JARID2: variants seen among roughly 807,000 people sequenced by gnomAD.
JARID2 encodes jumonji and AT-rich interaction domain containing 2, also known as protein Jumonji.
In JARID2, 21 loss-of-function variants were observed where a neutral mutation model predicts 125.6. That is an observed-to-expected ratio of 0.17 (90% CI 0.12 to 0.24). The LOEUF (loss-of-function observed/expected upper bound fraction) is 0.24, where lower values mean the gene tolerates loss of function less well. JARID2 is among the 10% of genes least tolerant of loss of function. The pLI, the probability that JARID2 is intolerant of heterozygous loss-of-function variation, is 1.00. For synonymous variants in JARID2, 736 were observed against 661.6 expected, an observed-to-expected ratio of 1.11 and a Z score of -1.73; for missense variants, 1,303 against 1,639.6, an observed-to-expected ratio of 0.79 and a Z score of 3.55.
At chr6:15,247,928 T>C (rs918110063) in intron 1 of JARID2, 2 of 985,316 alleles carry the variant, frequency 2.0e-6, no homozygotes, top group African/African-American at 3.5e-5. Context: ...GGCAACCTTG[T>C]CTTGGAGCGT....
chr6:15,306,982 C>G (rs1761851438), intron 1 of JARID2, among the ~76,000 whole-genome samples: 1 of 150,766 alleles, frequency 6.6e-6, no homozygotes, highest in South Asian at 2.1e-4. Flanking sequence ...TGGCTCATGC[C>G]TGTAATCCCA....
chr6:15,450,517 C>T (rs1320360878), intron 3 of JARID2, among the ~76,000 whole-genome samples: 1 of 152,112 alleles, frequency 6.6e-6, no homozygotes, highest in Non-Finnish European at 1.5e-5. Flanking sequence ...TTGCATTATC[C>T]ATCCTACGTA....
chr6:15,275,746 A>C (rs964850631), intron 1 of JARID2, among the ~76,000 whole-genome samples: 2 of 151,990 alleles, frequency 1.3e-5, no homozygotes, highest in Non-Finnish European at 1.5e-5. Flanking sequence ...ATTTCATTCC[A>C]TTTAGGAAAG....
intron 3 of JARID2, among the ~76,000 whole-genome samples, chr6:15,430,264 T>A (rs1367607247): frequency 6.6e-6 from 1 of 152,244 alleles, no homozygotes; most frequent in Non-Finnish European, 1.5e-5. Context: ...GGAGTTTAGT[T>A]ATCAAGACAA....
At chr6:15,436,577 A>T (rs1767213251) in intron 3 of JARID2, among the ~76,000 whole-genome samples, 1 of 152,058 alleles carries the variant, frequency 6.6e-6, no homozygotes, top group African/African-American at 2.4e-5. Flanking sequence ...TGCCTTCCTC[A>T]CTTAGGTCTT....
chr6:15,383,840 G>A (rs2127531655), intron 2 of JARID2, among the ~76,000 whole-genome samples: 1 of 152,250 alleles, frequency 6.6e-6, no homozygotes, highest in Middle Eastern at 3.4e-3. Context: ...TCTTGTCCAG[G>A]CTGGAGTGCA....
At chr6:15,418,192 G>C (rs1200648422) in intron 3 of JARID2, among the ~76,000 whole-genome samples, 1 of 151,210 alleles carries the variant, frequency 6.6e-6, no homozygotes, top group Non-Finnish European at 1.5e-5. Context: ...TTTAGTGTTG[G>C]GATCTCTTGT....
At chr6:15,394,435 C>CA (rs1765141474) in intron 2 of JARID2, among the ~76,000 whole-genome samples, 1 of 152,060 alleles carries the variant, frequency 6.6e-6, no homozygotes. Context: ...ACCATCTTCA[C>CA]AAAAAATATA....
At chr6:15,443,088 A>T (rs879473562) in intron 3 of JARID2, among the ~76,000 whole-genome samples, 119 of 132,754 alleles carry the variant, frequency 9.0e-4, no homozygotes, top group Non-Finnish European at 1.6e-3. Flanking sequence ...CCCTGGAATT[A>T]AAAAAAAAAA....
Position 15,254,611 on chromosome 6 carries a change from G to A in JARID2, c.45+8027G>A, listed in dbSNP as rs555124883. Among the ~76,000 whole-genome samples, 6 of 152,278 alleles carry A rather than the reference G, an allele frequency of 3.9e-5. No individual in the cohort carries two copies. The East Asian group carries it at 1.2e-3, about 29-fold the overall frequency. ...TCTTGAGAGCTGGTGCTGCCTAAAA[G>A]GTCTCAATTGGATTTTAAGTTCTAA... On this transcript the variant is annotated intron_variant, in intron 1 of 17. Coordinates refer to ENST00000341776, the MANE Select transcript of JARID2 (RefSeq NM_004973.4).
At chr6:15,467,327 G>A (rs1768787599) in intron 4 of JARID2, among the ~76,000 whole-genome samples, 4 of 152,068 alleles carry the variant, frequency 2.6e-5, no homozygotes, top group East Asian at 1.9e-4. Context: ...CTATCTCTTC[G>A]GTGATGTTAC....
intron 1 of JARID2, chr6:15,248,730 C>A: frequency 5.7e-6 from 1 of 175,656 alleles, no homozygotes; most frequent in Non-Finnish European, 1.1e-5. Flanking sequence ...CCCGGCCGCA[C>A]TCTGTTGTCA....
intron 3 of JARID2, among the ~76,000 whole-genome samples, chr6:15,413,146 A>C (rs2127573600): frequency 6.6e-6 from 1 of 150,816 alleles, no homozygotes; most frequent in South Asian, 2.1e-4. Flanking sequence ...CAGCCTTCCG[A>C]GTAGCTGGGA....
chr6:15,323,150 T>TCTTAG lies in JARID2; in HGVS notation c.46-50964_46-50960dup, dbSNP rs1452491070. Reference sequence around the variant, plus strand: ...CTTTTGCACTCTGTGGTACGAAACCTCTTAGCTCTGTGTGGGTGGTGGGCT... The same window carrying TCTTAG: ...CTTTTGCACTCTGTGGTACGAAACCTCTTAGCTTAGCTCTGTGTGGGTGGTGGGCT... On this transcript the variant is annotated intron_variant, in intron 1 of 17. Transcript: ENST00000341776. Among the ~76,000 whole-genome samples the TCTTAG allele has an allele frequency of 2.0e-5, 3 of 152,234 alleles. No homozygotes were observed. The South Asian group carries it at 6.2e-4, about 32-fold the overall frequency.
At chr6:15,513,142 GTC>G in intron 15 of JARID2, 95 bp from the exon 16 acceptor site, 1 of 1,581,550 alleles carries the variant, frequency 6.3e-7, no homozygotes, top group Non-Finnish European at 8.6e-7. Flanking sequence ...AGGAGGGTGT[GTC>G]TGCAGGGAGG....
chr6:15,484,703 T>A (rs987126631), intron 5 of JARID2, among the ~76,000 whole-genome samples: 2 of 152,168 alleles, frequency 1.3e-5, no homozygotes, highest in African/African-American at 2.4e-5. Flanking sequence ...CAGATAATGT[T>A]TTGAAGGGCG....
At chr6:15,410,516 C>G (rs1765833436) in intron 3 of JARID2, 151 bp downstream of exon 3, 3 of 735,852 alleles carry the variant, frequency 4.1e-6, no homozygotes, top group Middle Eastern at 3.0e-4. Context: ...ATCAAATGCC[C>G]TGCTTTCTAA....
At chr6:15,434,794 T>G (rs905837387) in intron 3 of JARID2, among the ~76,000 whole-genome samples, 1 of 152,166 alleles carries the variant, frequency 6.6e-6, no homozygotes, top group Non-Finnish European at 1.5e-5. Flanking sequence ...TTTCCGTATC[T>G]TGGGCCTTAA....
At chr6:15,353,324 T>G (rs1216808454) in intron 1 of JARID2, among the ~76,000 whole-genome samples, 1 of 152,224 alleles carries the variant, frequency 6.6e-6, no homozygotes, top group Admixed American at 6.5e-5. Context: ...TGTTTATTGT[T>G]CACTTATATA....
Sources: allele counts gnomAD v4.1 joint callset (sites outside exome capture counted in the v4.1 genomes callset), GRCh38; gene constraint gnomAD v4.1.1; transcripts MANE v1.5; gene names NCBI Gene and HGNC (gene_info 2026-07-23, HGNC 2026-07-21).